RASL11A: variants seen among roughly 807,000 people sequenced by gnomAD.
RASL11A encodes the protein ras-like protein family member 11A.
RASL11A carries 14 observed loss-of-function variants against 17.1 expected under a neutral mutation model. The ratio of observed to expected loss-of-function variants is 0.82; its 90% CI spans 0.54 to 1.28. The LOEUF (loss-of-function observed/expected upper bound fraction) is 1.28. Ranked by LOEUF, RASL11A falls within the 50% of genes most tolerant of loss-of-function variation. RASL11A has a pLI of 0.00. For synonymous variants in RASL11A, 146 were observed against 132.5 expected, an observed-to-expected ratio of 1.10 and a Z score of -0.70; for missense variants, 283 against 312.3, an observed-to-expected ratio of 0.91 and a Z score of 0.71.
At chr13:27,272,442 C>T (rs1298229313) in intron 3 of RASL11A, among the ~76,000 whole-genome samples, 1 of 152,136 alleles carries the variant, frequency 6.6e-6, no homozygotes, top group Non-Finnish European at 1.5e-5. Flanking sequence ...CCAAGCACTG[C>T]TGAACTGCTG....
At position 27,270,853 on chromosome 13, in the gene RASL11A, C is replaced by G; in HGVS notation, c.-92C>G. ...GCAGGCAGCCGCCGCGGTCCCGGAC[C>G]TCTAGTCCCGCACTCCCAGCTGGCG... On this transcript the variant is annotated 5_prime_UTR_variant, in exon 1 of 4. Coordinates refer to ENST00000241463, the MANE Select transcript of RASL11A (RefSeq NM_206827.2). 6.7e-7 allele frequency: 1 copy of G among 1,499,968 alleles called. No homozygotes were observed. Among genetic ancestry groups the G allele is most frequent in the South Asian group, 1.3e-5 (1 of 77,878 alleles). 92.9% of individuals were successfully genotyped at this position (1,499,968 alleles called of 1,614,324 possible).
chr13:27,273,509 A>G lies in RASL11A; in HGVS notation c.*15A>G. The G allele has an allele frequency of 1.3e-6, 2 of 1,586,170 alleles. No homozygotes were observed. Among genetic ancestry groups the G allele is most frequent in the Non-Finnish European group, 8.6e-7 (1 of 1,158,818 alleles). On this transcript the variant is annotated 3_prime_UTR_variant, in exon 4 of 4. Coordinates refer to ENST00000241463, the MANE Select transcript of RASL11A (RefSeq NM_206827.2). ...CACTGGGGTGAACTATCTCAGACAG[A>G]TGCCTCTCCTTTTTAATACGCATTT... is the stretch of plus-strand genomic sequence containing the variant.
In RASL11A at chr13:27,273,326, T is replaced by C. The variant is rs1461422843; in HGVS notation, c.561T>C (p.Asp187=). 3.7e-6 allele frequency: 6 copies of C among 1,614,236 alleles called. No individual in the cohort carries two copies. The highest frequency in any genetic ancestry group is 1.7e-5 in the Admixed American group (1 of 60,030). The change falls in exon 4 of 4, where the codon GAT becomes GAC. Residue 187 remains aspartate (D), a synonymous_variant. Transcript: ENST00000241463. ...STSENYEDVC[D]VFQHLCKEVS... The stretch of plus-strand genomic sequence containing the variant: ...GCGAAAACTACGAAGATGTCTGTGA[T>C]GTGTTTCAGCATCTCTGCAAAGAAG...
At chr13:27,271,378 C>T in intron 1 of RASL11A, 106 bp from the exon 2 acceptor site, 2 of 1,552,494 alleles carry the variant, frequency 1.3e-6, no homozygotes, top group Non-Finnish European at 1.8e-6. Context: ...TGGAAGCGAG[C>T]AGTGCCCACG....
rs774550299 is a variant in RASL11A, at chr13:27,273,390, G to T, written c.625G>T (p.Ala209Ser). ...CGGCCTCAGTGGGGAAAGAAGAAGA[G>T]CCTCCATCATCCCTCGGCCCCGCTC... ...MHGLSGERRR[A>S]SIIPRPRSPN... Residue 209 changes from alanine to serine, a missense_variant, in exon 4 of 4, where the codon GCC (alanine) becomes TCC (serine). By Grantham distance (99) the Ala-to-Ser change is moderately conservative. Transcript: ENST00000241463. The T allele has an allele frequency of 7.7e-5, 125 of 1,614,056 alleles. 1 individual carries two copies. The Admixed American group carries it at 2.0e-3, about 26-fold the overall frequency.
In RASL11A at chr13:27,274,081, C is replaced by T. The variant is rs190417215; in HGVS notation, c.*587C>T. 6.6e-5 allele frequency among the ~76,000 whole-genome samples: 10 copies of T among 152,286 alleles called. No homozygotes were observed. The highest frequency in any genetic ancestry group is 2.0e-4 in the Admixed American group (3 of 15,294). On this transcript the variant is annotated 3_prime_UTR_variant, in exon 4 of 4. Coordinates refer to ENST00000241463, the MANE Select transcript of RASL11A (RefSeq NM_206827.2). Reference sequence around the variant, plus strand: ...TTATTGGTGCAAATGCAAGTTTATACTCTACCCATATTAAAAAACAACCCC... The same window carrying T: ...TTATTGGTGCAAATGCAAGTTTATATTCTACCCATATTAAAAAACAACCCC...
rs11304490 is a variant in RASL11A at position 27,273,690 on chromosome 13, C to CTTTTTTT, written c.*220_*226dup. 6.6e-4 allele frequency: 48 copies of CTTTTTTT among 72,510 alleles called. No homozygotes were observed. The highest frequency in any genetic ancestry group is 8.5e-4 in the African/African-American group (13 of 15,366). The allele number at this position is 72,510 out of a possible 1,614,324, so 4.5% of individuals were successfully genotyped here. A position where few individuals can be genotyped will look rare whatever the true frequency, so the allele number is the denominator to read the frequency against. On this transcript the variant is annotated 3_prime_UTR_variant, in exon 4 of 4. Coordinates refer to ENST00000241463, the MANE Select transcript of RASL11A (RefSeq NM_206827.2). ...ATTTTGTTTTGTTTTATTAAAAGAA[C>CTTTTTTT]TTTTTTTTTTTTTTTTTTTTTTTTT...
Position 27,274,354 on chromosome 13 carries a change from C to T in RASL11A, c.*860C>T, listed in dbSNP as rs1181302329. 6.6e-6 allele frequency among the ~76,000 whole-genome samples: 1 copy of T among 152,170 alleles called. No homozygotes were observed. The highest frequency in any genetic ancestry group is 1.5e-5 in the Non-Finnish European group (1 of 68,036). ...TCACATCAGAACAATGCTACTAAAA[C>T]TAACCCTAATCATTTTATTTCTATA... is the stretch of plus-strand genomic sequence containing the variant. On this transcript the variant is annotated 3_prime_UTR_variant, in exon 4 of 4. Transcript: ENST00000241463.
At chr13:27,271,351 C>T in intron 1 of RASL11A, 133 bp from the exon 2 acceptor site, 3 of 1,513,370 alleles carry the variant, frequency 2.0e-6, no homozygotes, top group Non-Finnish European at 2.7e-6. Context: ...CGCGGCACCA[C>T]GGCTTTGCGG....
rs1374719252 is a variant in RASL11A, at chr13:27,274,729, G to T, written c.*1235G>T. On this transcript the variant is annotated 3_prime_UTR_variant, in exon 4 of 4. Coordinates refer to ENST00000241463, the MANE Select transcript of RASL11A (RefSeq NM_206827.2). The stretch of plus-strand genomic sequence containing the variant: ...TGTTATAACCCAACCCTGTCAGGTA[G>T]CTATTTGTTACTCCATTAGAAGGAG... Among the ~76,000 whole-genome samples, 1 of 152,172 alleles carries T rather than the reference G, an allele frequency of 6.6e-6. No homozygotes were observed. The highest frequency in any genetic ancestry group is 2.4e-5 in the African/African-American group (1 of 41,442).
chr13:27,271,766 C>A, intron 3 of RASL11A, 48 bp downstream of exon 3: 1 of 1,493,444 alleles, frequency 6.7e-7, no homozygotes, highest in African/African-American at 1.4e-5. Flanking sequence ...GTGAGACCAC[C>A]CCAGTGGGCA....
In RASL11A at chr13:27,273,443, C is replaced by T. The variant is rs1192550000; in HGVS notation, c.678C>T (p.Arg226=). ...RSPNMQDLKR[R]FKQALSPKVK... is the part of the protein sequence containing the mutation. ...CCAACATGCAGGACCTGAAGAGACGCTTCAAGCAGGCTCTGTCTCCCAAAG... is the reference window on the plus strand; with the variant it reads ...CCAACATGCAGGACCTGAAGAGACGTTTCAAGCAGGCTCTGTCTCCCAAAG... Residue 226 remains arginine, a synonymous_variant, in exon 4 of 4, where the codon CGC becomes CGT. Transcript: ENST00000241463. 1 of 1,614,162 alleles carries T rather than the reference C, an allele frequency of 6.2e-7. No homozygotes were observed. The highest frequency in any genetic ancestry group is 1.7e-5 in the Admixed American group (1 of 60,008).
chr13:27,271,700 T>C lies in RASL11A; in HGVS notation c.243T>C (p.Asp81=). 6.2e-7 allele frequency: 1 copy of C among 1,611,650 alleles called. No individual in the cohort carries two copies. The highest frequency in any genetic ancestry group is 1.1e-5 in the South Asian group (1 of 90,962). Residue 81 remains aspartate (D), a synonymous_variant, in exon 3 of 4, where the codon GAT becomes GAC. Coordinates refer to ENST00000241463, the MANE Select transcript of RASL11A (RefSeq NM_206827.2). ...EGDQLSLQIQ[D]TPGGVQIQDS... ...ACCAGCTCTCCCTGCAGATCCAGGA[T>C]ACTCCCGGGGGCGTCCAGGTAAGAA...
chr13:27,272,092 T>C (rs1882310677), intron 3 of RASL11A, among the ~76,000 whole-genome samples: 1 of 152,214 alleles, frequency 6.6e-6, no homozygotes, highest in Non-Finnish European at 1.5e-5. Context: ...GGTAGGATTC[T>C]GATGGGAGAG....
intron 3 of RASL11A, among the ~76,000 whole-genome samples, chr13:27,272,436 G>A (rs929654076): frequency 6.6e-6 from 1 of 152,142 alleles, no homozygotes; most frequent in Non-Finnish European, 1.5e-5. Context: ...CCCGGCCCAA[G>A]CACTGCTGAA....
rs1462936227 is a variant in RASL11A at position 27,270,906 on chromosome 13, G to A, written c.-39G>A. 14 of 1,558,734 alleles carry A rather than the reference G, an allele frequency of 9.0e-6. No homozygotes were observed. Among genetic ancestry groups the A allele is most frequent in the Non-Finnish European group, 1.2e-5 (14 of 1,152,308 alleles). On this transcript the variant is annotated 5_prime_UTR_variant, in exon 1 of 4. Coordinates refer to ENST00000241463, the MANE Select transcript of RASL11A (RefSeq NM_206827.2). ...CCGGCTCCGGGTGCGGCGAGGCCCA[G>A]CCCTCTCGGATTGCGCGCCGGACCC...
intron 3 of RASL11A, 114 bp from the exon 4 acceptor site, chr13:27,272,913 T>C: frequency 2.4e-6 from 2 of 822,298 alleles, no homozygotes; most frequent in Admixed American, 2.7e-5. Flanking sequence ...AACTGAAAAC[T>C]GTATTTAGAG....
Position 27,273,634 on chromosome 13 carries a change from TCAAA to T in RASL11A, c.*143_*146del, listed in dbSNP as rs1566044564. 1.1e-5 allele frequency: 6 copies of T among 554,542 alleles called. No homozygotes were observed. The highest frequency in any genetic ancestry group is 5.6e-5 in the African/African-American group (3 of 53,302). The allele number at this position is 554,542 out of a possible 1,614,324, so 34.4% of individuals were successfully genotyped here. A position where few individuals can be genotyped will look rare whatever the true frequency, so the allele number is the denominator to read the frequency against. On this transcript the variant is annotated 3_prime_UTR_variant, in exon 4 of 4. Transcript: ENST00000241463. Reference sequence around the variant, plus strand: ...CAAGTACATGTGTATTTCTGAAAATTCAAACAGTGATTGCCTAGAAGCTGGATAA... The same window carrying T: ...CAAGTACATGTGTATTTCTGAAAATTCAGTGATTGCCTAGAAGCTGGATAA...
chr13:27,271,200 G>A, intron 1 of RASL11A, 132 bp downstream of exon 1: 5 of 1,458,264 alleles, frequency 3.4e-6, no homozygotes, highest in South Asian at 1.5e-5. Context: ...CTGCTTTCGC[G>A]CTGGGTGGGT....
Sources: gnomAD v4.1 joint callset for allele counts (sites outside exome capture counted in the v4.1 genomes callset) on GRCh38, gnomAD v4.1.1 for gene constraint, MANE v1.5 for transcripts, NCBI Gene and HGNC (gene_info 2026-07-23, HGNC 2026-07-21) for gene names.